The following CCT4 variants were observed in gnomAD, a reference collection of about 807,000 sequenced individuals.
CCT4 encodes the protein chaperonin containing TCP1 subunit 4.
In CCT4, 17 loss-of-function variants were observed where a neutral mutation model predicts 62.5. The observed-to-expected ratio is 0.27, with a 90% CI of 0.19 to 0.41. CCT4 has a LOEUF of 0.41. CCT4 is among the 10% of genes least tolerant of loss of function. The pLI is 1.00. For synonymous variants in CCT4, 250 were observed against 229.9 expected, an observed-to-expected ratio of 1.09 and a Z score of -0.79; for missense variants, 592 against 659.2, an observed-to-expected ratio of 0.90 and a Z score of 1.12.
intron 4 of CCT4, 38 bp from the exon 5 acceptor site, chr2:61,879,049 G>C: frequency 4.7e-6 from 7 of 1,491,340 alleles, no homozygotes; most frequent in Non-Finnish European, 5.5e-6. Flanking sequence ...AATTGTAACA[G>C]GTAAACTACA....
At chr2:61,882,809 C>CA (rs1031526157) in intron 3 of CCT4, among the ~76,000 whole-genome samples, 5 of 146,346 alleles carry the variant, frequency 3.4e-5, no homozygotes, top group African/African-American at 1.3e-4. Flanking sequence ...CTGTGCCCAG[C>CA]TTTTTTTTTT....
chr2:61,880,155 A>C (rs1669082010), intron 4 of CCT4, 131 bp downstream of exon 4: 1 of 487,884 alleles, frequency 2.0e-6, no homozygotes, highest in East Asian at 3.3e-5. Context: ...TAACTTTAAA[A>C]ATTCTTGGTA....
rs1217082860 is a variant in CCT4 at position 61,872,647 on chromosome 2, G to A, written c.1126-59C>T. The A allele has an allele frequency of 3.0e-5, 48 of 1,583,092 alleles. No individual in the cohort carries two copies. The Middle Eastern group carries it at 6.7e-4, about 22-fold the overall frequency. On this transcript the variant is annotated intron_variant, in intron 10 of 13. Transcript: ENST00000394440. ...AGGGTCAAAAAAACCCCACACCCAG[G>A]CCGGGCACGGCGGCTCACGCCTGTA...
At chr2:61,882,927 G>A (rs1669150475) in intron 3 of CCT4, among the ~76,000 whole-genome samples, 1 of 151,922 alleles carries the variant, frequency 6.6e-6, no homozygotes, top group African/African-American at 2.4e-5. Context: ...GTCAGCCTAT[G>A]GAGTGGCTGG....
In CCT4 at chr2:61,868,966, C is replaced by T. The variant is rs192217508; in HGVS notation, c.1606-260G>A. The T allele has an allele frequency of 1.1e-4, 42 of 390,448 alleles. No homozygotes were observed. In the East Asian group the frequency reaches 2.3e-3, roughly 21 times the overall value. The allele number at this position is 390,448 out of a possible 1,614,324, so 24.2% of individuals were successfully genotyped here. On this transcript the variant is annotated intron_variant, in intron 13 of 13. Transcript: ENST00000394440. ...CCTGACCAACATGGTGAAACCCCGT[C>T]TCTACTAAAAATACAAAAATTAGCT...
intron 8 of CCT4, 38 bp downstream of exon 8, chr2:61,876,057 T>G: frequency 2.1e-6 from 3 of 1,425,886 alleles, no homozygotes; most frequent in Non-Finnish European, 2.9e-6. Flanking sequence ...AGATCCAAAA[T>G]TATCATTAAG....
Position 61,883,535 on chromosome 2 carries a change from T to C in CCT4, c.194A>G (p.Lys65Arg). 1 of 1,582,014 alleles carries C rather than the reference T, an allele frequency of 6.3e-7. No individual in the cohort carries two copies. The part of the protein sequence containing the change: ...KGMDKMIQDG[K>R]GDVTITNDGA... ...ATCATTTGTAATGGTTACATCACCT[T>C]TTCCATCTTGAATCTAGAAAAAAAA... Residue 65 changes from lysine (K) to arginine (R), a missense_variant, in exon 3 of 14, where the codon AAA becomes AGA. Around this residue, in one of 3 missense-constraint regions of CCT4, gnomAD observed 522 missense variants for 571.2 expected, o/e 0.91. Transcript: ENST00000394440.
At chr2:61,873,842 A>ACTTCCTAAAGTGCT (rs1668939835) in intron 8 of CCT4, among the ~76,000 whole-genome samples, 1 of 152,182 alleles carries the variant, frequency 6.6e-6, no homozygotes, top group South Asian at 2.1e-4. Context: ...CTGGGATTAC[A>ACTTCCTAAAGTGCT]GGCATGAGCC....
At chr2:61,872,690 G>T in intron 10 of CCT4, 102 bp from the exon 11 acceptor site, 1 of 1,154,952 alleles carries the variant, frequency 8.7e-7, no homozygotes, top group Non-Finnish European at 1.2e-6. Flanking sequence ...CACTTTGGGA[G>T]GATGAGGCGG....
chr2:61,885,108 G>T (rs1348299892), intron 1 of CCT4, 36 bp from the exon 2 acceptor site: 5 of 1,454,830 alleles, frequency 3.4e-6, no homozygotes, highest in South Asian at 1.3e-5. Flanking sequence ...AAACAAATTA[G>T]AACTTTTTTT....
chr2:61,877,889 A>C (rs1228812708), intron 5 of CCT4, among the ~76,000 whole-genome samples: 1 of 152,248 alleles, frequency 6.6e-6, no homozygotes, highest in East Asian at 1.9e-4. Context: ...GTTGATAAAA[A>C]TTGCTAACAT....
At chr2:61,879,966 G>A (rs62149892) in intron 4 of CCT4, among the ~76,000 whole-genome samples, 2 of 151,852 alleles carry the variant, frequency 1.3e-5, no homozygotes, top group African/African-American at 4.8e-5. Context: ...GACCTCAGGG[G>A]ATCCACCCAC....
rs528931542 is a variant in CCT4 at position 61,886,649 on chromosome 2, C to T, written c.128-1577G>A. On this transcript the variant is annotated intron_variant, in intron 1 of 13. Coordinates refer to ENST00000394440, the MANE Select transcript of CCT4 (RefSeq NM_006430.4). ...GGCCTTTCCTTCCCACATGCACACC[C>T]TCCTCTGTTGTTTCAGTTCTTTGTC... 1.8e-4 allele frequency among the ~76,000 whole-genome samples: 28 copies of T among 152,298 alleles called. No individual in the cohort carries two copies. The East Asian group carries it at 5.4e-3, about 29-fold the overall frequency.
Position 61,873,306 on chromosome 2 carries a change from A to C in CCT4, c.918-13T>G. ...ACTAAGAGCATCTCTAAAATACAAA[A>C]TCAGTGATTATGTCAATGCTAGATT... On this transcript the variant is annotated splice_polypyrimidine_tract_variant and intron_variant, in intron 8 of 13. Coordinates refer to ENST00000394440, the MANE Select transcript of CCT4 (RefSeq NM_006430.4). The C allele has an allele frequency of 1.4e-6, 2 of 1,391,218 alleles. No homozygotes were observed. Among genetic ancestry groups the C allele is most frequent in the Non-Finnish European group, 2.0e-6 (2 of 983,020 alleles). 86.2% of individuals were successfully genotyped at this position (1,391,218 alleles called of 1,614,324 possible). A position where few individuals can be genotyped will look rare whatever the true frequency, so the allele number is the denominator to read the frequency against.
chr2:61,883,638 T>C, intron 2 of CCT4, 90 bp from the exon 3 acceptor site: 1 of 700,398 alleles, frequency 1.4e-6, no homozygotes, highest in South Asian at 1.7e-5. Flanking sequence ...AGTTAATTTC[T>C]GTTTGCAAAG....
At chr2:61,876,268 T>C (rs1668998734) in intron 7 of CCT4, 34 bp from the exon 8 acceptor site, 1 of 1,500,080 alleles carries the variant, frequency 6.7e-7, no homozygotes, top group Non-Finnish European at 9.0e-7. Context: ...ATTTGCATTG[T>C]AAGATATTTT....
In CCT4 at chr2:61,873,102, G is replaced by T. The variant is rs904755375; in HGVS notation, c.1025C>A (p.Thr342Asn). 2.5e-6 allele frequency: 4 copies of T among 1,605,152 alleles called. No individual in the cohort carries two copies. The Admixed American group carries it at 5.0e-5, about 20-fold the overall frequency. Residue 342 changes from threonine (T) to asparagine (N), a missense_variant, in exon 10 of 14, where the codon ACC (threonine) becomes AAC (asparagine). By Grantham distance (65) the Thr-to-Asn change is moderately conservative. Transcript: ENST00000394440. ...DIEFICKTIGTKPVAHIDQFT... is the reference protein window; with the variant it reads ...DIEFICKTIGNKPVAHIDQFT... ...TTGGTCAATATGAGCAACTGGCTTGGTTCCAATTGTCTGGAAAAAACAGTC... is the reference window on the plus strand; with the variant it reads ...TTGGTCAATATGAGCAACTGGCTTGTTTCCAATTGTCTGGAAAAAACAGTC...
chr2:61,869,390 T>A, intron 13 of CCT4, 50 bp downstream of exon 13: 3 of 991,670 alleles, frequency 3.0e-6, no homozygotes, highest in Non-Finnish European at 4.8e-6. Flanking sequence ...CTTTAAAAAA[T>A]ATATGCCTTT....
chr2:61,878,768 C>A lies in CCT4; in HGVS notation c.522+101G>T, dbSNP rs1572920767. ...TATACAGATTATAACAGTTACCTAG[C>A]CACTCTTGAGATTTAGTATTTATGT... On this transcript the variant is annotated intron_variant, in intron 5 of 13. Coordinates refer to ENST00000394440, the MANE Select transcript of CCT4 (RefSeq NM_006430.4). The A allele has an allele frequency of 5.5e-6, 4 of 727,020 alleles. No homozygotes were observed. In the East Asian group the frequency reaches 1.1e-4, roughly 20 times the overall value. The allele number at this position is 727,020 out of a possible 1,614,324, so 45.0% of individuals were successfully genotyped here.
Sources: allele counts gnomAD v4.1 joint callset (sites outside exome capture counted in the v4.1 genomes callset), GRCh38; gene constraint gnomAD v4.1.1; regional missense constraint gnomAD v4.1.1; transcripts MANE v1.5; gene names NCBI Gene and HGNC (gene_info 2026-07-23, HGNC 2026-07-21).